The following SBF2 variants were observed in gnomAD, a reference collection of about 807,000 sequenced individuals.
SBF2 encodes SET binding factor 2, also known as myotubularin-related protein 13.
In SBF2, 112 loss-of-function variants were observed where a neutral mutation model predicts 225.2. The observed-to-expected ratio is 0.50, with a 90% CI of 0.43 to 0.58. The LOEUF (loss-of-function observed/expected upper bound fraction) is 0.58, where lower values mean the gene tolerates loss of function less well. Among genes scored for constraint, SBF2 ranks in the 20% least tolerant of loss-of-function variants. SBF2 has a pLI of 0.00. For missense variants in SBF2, 1,996 were observed against 2,206.2 expected, an observed-to-expected ratio of 0.90 and a Z score of 1.91; for synonymous variants, 763 against 773.3, an observed-to-expected ratio of 0.99 and a Z score of 0.22.
rs1209441093 is a variant in SBF2 at position 9,779,912 on chromosome 11, T to TGGCAGCAC, written c.*498_*505dup. ...GAGCACGGACCATGGAAGCATCTTT[T>TGGCAGCAC]GGCAGCACCAGAGAACTGAGCATCT... On this transcript the variant is annotated 3_prime_UTR_variant, in exon 40 of 40. Coordinates refer to ENST00000256190, the MANE Select transcript of SBF2 (RefSeq NM_030962.4). 1.4e-5 allele frequency: 3 copies of TGGCAGCAC among 210,344 alleles called. No homozygotes were observed. In the East Asian group the frequency reaches 3.1e-4, roughly 22 times the overall value. 13.0% of individuals were successfully genotyped at this position (210,344 alleles called of 1,614,324 possible).
intron 16 of SBF2, among the ~76,000 whole-genome samples, chr11:9,954,524 T>A (rs764864722): frequency 2.0e-5 from 3 of 152,196 alleles, no homozygotes; most frequent in Non-Finnish European, 4.4e-5. Flanking sequence ...AGGGCCTCTA[T>A]ACAACGTTCA....
intron 2 of SBF2, among the ~76,000 whole-genome samples, chr11:10,049,796 A>C (rs769112262): frequency 4.6e-5 from 7 of 152,176 alleles, no homozygotes; most frequent in Non-Finnish European, 7.3e-5. Context: ...TGGGTAGCAG[A>C]ACGGTATAAT....
At position 10,294,048 on chromosome 11, in the gene SBF2, AGT is replaced by A. The variant is rs1270869520; in HGVS notation, c.20_21del (p.Tyr7PhefsTer7). MARLAD[Y>X]FIVVGYDHEK... is the part of the protein sequence containing the mutation. Reference sequence around the variant, plus strand: ...TCGTGGTCATAGCCTACCACGATGAAGTAGTCAGCCAGCCGGGCCATGGCCGC... The same window carrying A: ...TCGTGGTCATAGCCTACCACGATGAAAGTCAGCCAGCCGGGCCATGGCCGC... On this transcript the variant is annotated frameshift_variant, in exon 1 of 40. Coordinates refer to ENST00000256190, the MANE Select transcript of SBF2 (RefSeq NM_030962.4). LOFTEE classifies it high-confidence loss of function. 1 of 1,401,466 alleles carries A rather than the reference AGT, an allele frequency of 7.1e-7. No individual in the cohort carries two copies. The highest frequency in any genetic ancestry group is 9.3e-7 in the Non-Finnish European group (1 of 1,071,672). The allele number at this position is 1,401,466 out of a possible 1,614,324, so 86.8% of individuals were successfully genotyped here. A position where few individuals can be genotyped will look rare whatever the true frequency, so the allele number is the denominator to read the frequency against.
chr11:10,158,201 A>C (rs2135197886), intron 2 of SBF2, among the ~76,000 whole-genome samples: 1 of 152,314 alleles, frequency 6.6e-6, no homozygotes, highest in East Asian at 1.9e-4. Flanking sequence ...TCTAAGAGGA[A>C]AGTTTATAGT....
intron 2 of SBF2, among the ~76,000 whole-genome samples, chr11:10,168,482 A>G (rs1461534846): frequency 1.3e-5 from 2 of 152,172 alleles, no homozygotes; most frequent in Non-Finnish European, 2.9e-5. Context: ...TCAGCATCAC[A>G]TGGTCATTCT....
At chr11:10,264,478 T>A (rs551868143) in intron 1 of SBF2, among the ~76,000 whole-genome samples, 1 of 152,292 alleles carries the variant, frequency 6.6e-6, no homozygotes, top group African/African-American at 2.4e-5. Context: ...ATTAATTCAA[T>A]ATGTATTTAC....
At position 10,196,866 on chromosome 11, in the gene SBF2, A is replaced by ATATATTT; in HGVS notation, c.56-2880_56-2879insAAATATA. On this transcript the variant is annotated intron_variant, in intron 1 of 39. Transcript: ENST00000256190. Reference sequence around the variant, plus strand: ...TATATATATATATATATATATATATATTTTTTTTTTCCTACAAAATGAATA... The same window carrying ATATATTT: ...TATATATATATATATATATATATATATATATTTTTTTTTTTTTCCTACAAAATGAATA... Among the ~76,000 whole-genome samples the ATATATTT allele has an allele frequency of 2.9e-3, 284 of 99,240 alleles. 3 individuals are homozygous for ATATATTT. Among genetic ancestry groups the ATATATTT allele is most frequent in the Middle Eastern group, 7.0e-3 (1 of 142 alleles). The allele number at this position is 99,240 out of a possible 152,430, so 65.1% of individuals were successfully genotyped here.
At chr11:9,990,774 T>C (rs1947397748) in intron 12 of SBF2, among the ~76,000 whole-genome samples, 2 of 152,250 alleles carry the variant, frequency 1.3e-5, no homozygotes, top group South Asian at 2.1e-4. Context: ...TAAGTTACCA[T>C]ATAAAGTTAG....
At chr11:10,056,295 G>T (rs1254116992) in intron 2 of SBF2, among the ~76,000 whole-genome samples, 1 of 152,132 alleles carries the variant, frequency 6.6e-6, no homozygotes, top group African/African-American at 2.4e-5. Flanking sequence ...TTGGTAGTTT[G>T]TTAGGAATAG....
At chr11:10,212,699 C>T (rs1167328704) in intron 1 of SBF2, among the ~76,000 whole-genome samples, 2 of 152,200 alleles carry the variant, frequency 1.3e-5, no homozygotes, top group African/African-American at 2.4e-5. Flanking sequence ...GTTCTAGGAA[C>T]CCCTTAATCA....
chr11:10,183,648 A>G (rs1269518036), intron 2 of SBF2, among the ~76,000 whole-genome samples: 2 of 152,192 alleles, frequency 1.3e-5, no homozygotes, highest in Non-Finnish European at 1.5e-5. Context: ...TTGTTCTAGC[A>G]CCATTTGGGC....
At chr11:9,940,230 C>T (rs1343988849) in intron 16 of SBF2, among the ~76,000 whole-genome samples, 2 of 151,978 alleles carry the variant, frequency 1.3e-5, no homozygotes, top group African/African-American at 2.4e-5. Context: ...GGTGAAACCC[C>T]GTCTGTACTA....
chr11:10,144,791 T>A (rs1954813497), intron 2 of SBF2, among the ~76,000 whole-genome samples: 1 of 152,232 alleles, frequency 6.6e-6, no homozygotes, highest in African/African-American at 2.4e-5. Flanking sequence ...ATTAATGAAA[T>A]ATTAGGAACC....
chr11:9,887,805 C>T (rs933027074), intron 17 of SBF2, among the ~76,000 whole-genome samples: 1 of 151,830 alleles, frequency 6.6e-6, no homozygotes, highest in African/African-American at 2.4e-5. Context: ...CACTCCCTCC[C>T]CTATCTTTTT....
chr11:10,138,001 A>C (rs1420783578), intron 2 of SBF2, among the ~76,000 whole-genome samples: 1 of 149,964 alleles, frequency 6.7e-6, no homozygotes, highest in African/African-American at 2.5e-5. Flanking sequence ...CTCCATCTCC[A>C]AAAATAAATA....
chr11:10,175,846 G>C (rs1478520051), intron 2 of SBF2, among the ~76,000 whole-genome samples: 1 of 151,786 alleles, frequency 6.6e-6, no homozygotes, highest in Non-Finnish European at 1.5e-5. Flanking sequence ...CTAGAACTCA[G>C]GATTAAGAAT....
At chr11:10,139,226 A>G (rs190006759) in intron 2 of SBF2, among the ~76,000 whole-genome samples, 25 of 152,314 alleles carry the variant, frequency 1.6e-4, no homozygotes, top group Non-Finnish European at 4.4e-5. Context: ...AGCCCATCAA[A>G]AAATATTTTC....
At chr11:9,930,173 C>T (rs755017574) in intron 16 of SBF2, among the ~76,000 whole-genome samples, 9 of 151,878 alleles carry the variant, frequency 5.9e-5, no homozygotes, top group African/African-American at 2.2e-4. Flanking sequence ...AAAGTACAAA[C>T]AGGTGAAAAA....
chr11:10,278,552 G>C (rs1006172977), intron 1 of SBF2, among the ~76,000 whole-genome samples: 3 of 152,070 alleles, frequency 2.0e-5, no homozygotes, highest in African/African-American at 7.2e-5. Flanking sequence ...AGGCCAAGGC[G>C]GGTGGATTAC....
Sources: allele counts gnomAD v4.1 joint callset (sites outside exome capture counted in the v4.1 genomes callset), GRCh38; gene constraint gnomAD v4.1.1; transcripts MANE v1.5; gene names NCBI Gene and HGNC (gene_info 2026-07-23, HGNC 2026-07-21).